Variants in C19orf38 observed in about 807,000 individuals in gnomAD.
C19orf38 encodes protein HIDE1.
Under a neutral mutation model 26.6 loss-of-function variants are expected in C19orf38, and 14 were observed. The ratio of observed to expected loss-of-function variants is 0.53; its 90% confidence interval spans 0.35 to 0.82. The LOEUF is 0.82. C19orf38 is among the 40% of genes least tolerant of loss of function. The pLI, the probability that C19orf38 is intolerant of heterozygous loss-of-function variation, is 0.01. For synonymous variants in C19orf38, 132 were observed against 128.5 expected (o/e 1.03, Z -0.18); for missense variants, 261 against 299.5 (o/e 0.87, Z 0.95).
chr19:10,842,437 T>A (rs955624353), intron 1 of C19orf38, among the ~76,000 whole-genome samples: 4 of 152,062 alleles, frequency 2.6e-5, no homozygotes, highest in African/African-American at 9.7e-5. Context: ...ATTTTTTGTA[T>A]TTTTAGTAGA....
chr19:10,843,054 A>G (rs2073490864), intron 1 of C19orf38, among the ~76,000 whole-genome samples: 1 of 152,194 alleles, frequency 6.6e-6, no homozygotes, highest in Non-Finnish European at 1.5e-5. Flanking sequence ...GGTGTGGTTT[A>G]TCTTTCAGTG....
chr19:10,842,134 C>G (rs1445965103), intron 1 of C19orf38: 9 of 1,582,344 alleles, frequency 5.7e-6, no homozygotes, highest in Non-Finnish European at 7.8e-6. Flanking sequence ...GACTCATTCA[C>G]TCAGGCCCAG....
rs1032620411 is a variant in C19orf38 at position 10,869,577 on chromosome 19, C to T, written c.*210C>T. 6.3e-5 allele frequency: 42 copies of T among 662,092 alleles called. No homozygotes were observed. The highest frequency in any genetic ancestry group is 8.0e-5 in the Non-Finnish European group (34 of 423,128). 41.0% of individuals were successfully genotyped at this position (662,092 alleles called of 1,614,324 possible). A position where few individuals can be genotyped will look rare whatever the true frequency, so the allele number is the denominator to read the frequency against. Reference sequence around the variant, plus strand: ...ACTATACAGACAACAGGAAGTTCCCCTCTCGACCTTCGGCTCCTCAGGACC... The same window carrying T: ...ACTATACAGACAACAGGAAGTTCCCTTCTCGACCTTCGGCTCCTCAGGACC... On this transcript the variant is annotated 3_prime_UTR_variant, in exon 7 of 7. Coordinates refer to ENST00000397820, the MANE Select transcript of C19orf38 (RefSeq NM_001136482.3).
chr19:10,848,611 G>T (rs959623831), intron 1 of C19orf38, 72 bp downstream of exon 1: 455 of 1,461,976 alleles, frequency 3.1e-4, no homozygotes, highest in Non-Finnish European at 4.0e-4. Context: ...GCCGCTCCAG[G>T]GGCAGAAACC....
chr19:10,841,052 TA>T (rs1481326407), intron 1 of C19orf38, among the ~76,000 whole-genome samples: 1 of 150,284 alleles, frequency 6.7e-6, no homozygotes, highest in African/African-American at 2.5e-5. Flanking sequence ...CGGTGGTGTG[TA>T]TATCTTCTTT....
At chr19:10,859,244 ATG>A (rs35791729) in intron 4 of C19orf38, among the ~76,000 whole-genome samples, 69,730 of 118,858 alleles carry the variant, frequency 0.59, 19,722 homozygotes, top group South Asian at 0.64. Context: ...GCTTTTATAT[ATG>A]TGTGTGTGTG....
At chr19:10,866,357 ATTTTTTT>A (rs71164128) in intron 6 of C19orf38, among the ~76,000 whole-genome samples, 34 of 125,642 alleles carry the variant, frequency 2.7e-4, no homozygotes, top group Non-Finnish European at 3.8e-4. Context: ...TGCCCAGCTA[ATTTTTTT>A]TTTTTTTTTT....
chr19:10,855,320 A>T (rs1043964234), intron 2 of C19orf38, among the ~76,000 whole-genome samples: 3 of 152,170 alleles, frequency 2.0e-5, no homozygotes, highest in Non-Finnish European at 2.9e-5. Context: ...GGCGTGAGCC[A>T]CCGTGCCCAG....
Position 10,869,378 on chromosome 19 carries a change from T to C in C19orf38, c.*11T>C. On this transcript the variant is annotated 3_prime_UTR_variant, in exon 7 of 7. Coordinates refer to ENST00000397820, the MANE Select transcript of C19orf38 (RefSeq NM_001136482.3). ...CGGGCCTGCCAGTGAGGCTGAGGACTGGGGGACCCCTCTGTCTCCAGGCAT... is the reference window on the plus strand; with the variant it reads ...CGGGCCTGCCAGTGAGGCTGAGGACCGGGGGACCCCTCTGTCTCCAGGCAT... 1 of 1,544,554 alleles carries C rather than the reference T, an allele frequency of 6.5e-7. No individual in the cohort carries two copies. The highest frequency in any genetic ancestry group is 8.7e-7 in the Non-Finnish European group (1 of 1,144,046).
upstream of C19orf38, among the ~76,000 whole-genome samples, chr19:10,847,690 C>T (rs1333185627): frequency 1.3e-5 from 2 of 151,990 alleles, no homozygotes; most frequent in Non-Finnish European, 2.9e-5. Context: ...ACTCTTAGCC[C>T]CATTCTGCAG....
intron 1 of C19orf38, among the ~76,000 whole-genome samples, chr19:10,840,664 G>A (rs764441889): frequency 3.3e-5 from 5 of 152,184 alleles, no homozygotes; most frequent in African/African-American, 1.2e-4. Context: ...GACTATGGGC[G>A]CATGCCACCA....
At chr19:10,856,181 G>T (rs969296620) in intron 2 of C19orf38, 84 bp from the exon 3 acceptor site, 1 of 1,078,000 alleles carries the variant, frequency 9.3e-7, no homozygotes, top group Non-Finnish European at 1.4e-6. Context: ...TTGGTTGGGG[G>T]TTATGGGGTA....
intron 3 of C19orf38, among the ~76,000 whole-genome samples, chr19:10,856,800 G>A (rs1463897707): frequency 2.0e-5 from 3 of 149,494 alleles, no homozygotes; most frequent in African/African-American, 2.5e-5. Context: ...CACAGTCCCC[G>A]GCCTAAAAAT....
At chr19:10,868,316 C>T (rs2073772314) in intron 6 of C19orf38, among the ~76,000 whole-genome samples, 1 of 152,118 alleles carries the variant, frequency 6.6e-6, no homozygotes, top group South Asian at 2.1e-4. Flanking sequence ...CCTAGGGTCA[C>T]CCAGCTTGGG....
intron 1 of C19orf38, among the ~76,000 whole-genome samples, chr19:10,841,285 TAG>T (rs2073476075): frequency 6.6e-6 from 1 of 151,812 alleles, no homozygotes; most frequent in Non-Finnish European, 1.5e-5. Context: ...CTTGGCAACG[TAG>T]AGAGACTCTC....
intron 4 of C19orf38, among the ~76,000 whole-genome samples, chr19:10,859,380 ATATATTTTT>A (rs2073672499): frequency 5.8e-5 from 2 of 34,380 alleles, no homozygotes; most frequent in African/African-American, 3.1e-4. Context: ...ATATATATAT[ATATATTTTT>A]TTTTTTTTTT....
chr19:10,850,287 C>T lies in C19orf38; in HGVS notation c.60C>T (p.Ile20=). 3 of 1,550,732 alleles carry T rather than the reference C, an allele frequency of 1.9e-6. No homozygotes were observed. Among genetic ancestry groups the T allele is most frequent in the Non-Finnish European group, 2.6e-6 (3 of 1,146,950 alleles). ...CCTTGGCGATCCCAGCACCATCCATCCGGCTGGTGCCCCCGTACCCAAGCA... is the reference window on the plus strand; with the variant it reads ...CCTTGGCGATCCCAGCACCATCCATTCGGCTGGTGCCCCCGTACCCAAGCA... The part of the protein sequence containing the change: ...AGSLAIPAPS[I]RLVPPYPSSQ... Residue 20 remains isoleucine, a synonymous_variant, in exon 2 of 7, where the codon ATC becomes ATT. Transcript: ENST00000397820.
intron 3 of C19orf38, 65 bp from the exon 4 acceptor site, chr19:10,858,251 A>AAC (rs1555721276): frequency 1.6e-6 from 2 of 1,246,000 alleles, no homozygotes; most frequent in East Asian, 2.7e-5. Flanking sequence ...AAAAAAAAAA[A>AAC]ACAGAAATTG....
In C19orf38 at chr19:10,856,356, A is replaced by G; in HGVS notation, c.432A>G (p.Lys144=). The change falls in exon 3 of 7, where the codon AAA becomes AAG. Residue 144 remains lysine (K), a splice_region_variant and synonymous_variant. Coordinates refer to ENST00000397820, the MANE Select transcript of C19orf38 (RefSeq NM_001136482.3). ...GLVAVALVVR[K]VKLRNLQKKR... ...TGGCTGTTGCCCTGGTGGTCAGAAA[A>G]GGTAACAGCACGCAAAGCCTGGCAC... The G allele has an allele frequency of 2.6e-6, 4 of 1,550,508 alleles. No individual in the cohort carries two copies. Among genetic ancestry groups the G allele is most frequent in the Non-Finnish European group, 3.5e-6 (4 of 1,146,092 alleles).
Sources: allele counts gnomAD v4.1 joint callset (sites outside exome capture counted in the v4.1 genomes callset), GRCh38; gene constraint gnomAD v4.1.1; transcripts MANE v1.5; gene names NCBI Gene and HGNC (gene_info 2026-07-23, HGNC 2026-07-21).